CATSPER3: variants seen among roughly 807,000 people sequenced by gnomAD.
The protein encoded by CATSPER3 is cation channel sperm associated 3.
Under a neutral mutation model 36.6 loss-of-function variants are expected in CATSPER3, and 23 were observed. That is an observed-to-expected ratio of 0.63 (90% CI 0.45 to 0.89). CATSPER3 has a LOEUF of 0.89. Ranked by LOEUF, CATSPER3 falls within the 40% of genes least tolerant of loss-of-function variation. The probability of loss-of-function intolerance (pLI) is 0.00; values close to 1 mark genes in which losing one functional copy is unlikely to be tolerated. For synonymous variants in CATSPER3, 172 were observed against 184.1 expected (o/e 0.93, Z 0.53); for missense variants, 474 against 503.9 (o/e 0.94, Z 0.57).
At chr5:134,969,837 C>A in intron 1 of CATSPER3, 102 bp from the exon 2 acceptor site, 1 of 1,180,680 alleles carries the variant, frequency 8.5e-7, no homozygotes, top group Non-Finnish European at 1.3e-6. Flanking sequence ...TATATTCACA[C>A]AAGGGAGAAA....
chr5:134,994,892 G>A (rs1407316358), intron 2 of CATSPER3, among the ~76,000 whole-genome samples: 5 of 151,816 alleles, frequency 3.3e-5, no homozygotes, highest in Non-Finnish European at 5.9e-5. Context: ...GCTTCAGCGA[G>A]ACCTCTGTCG....
At chr5:134,969,523 T>G in intron 1 of CATSPER3, 1 of 259,180 alleles carries the variant, frequency 3.9e-6, no homozygotes, top group Non-Finnish European at 7.5e-6. Flanking sequence ...TGAGCATGTG[T>G]ATGGGTGATT....
intron 2 of CATSPER3, among the ~76,000 whole-genome samples, chr5:134,978,491 C>G (rs1398858456): frequency 6.6e-6 from 1 of 152,014 alleles, no homozygotes; most frequent in Non-Finnish European, 1.5e-5. Context: ...TATAAAAAAA[C>G]TGATTGCAAA....
At chr5:134,994,628 A>G (rs1054348626) in intron 2 of CATSPER3, among the ~76,000 whole-genome samples, 2 of 152,220 alleles carry the variant, frequency 1.3e-5, no homozygotes, top group Admixed American at 6.5e-5. Flanking sequence ...TAAAAATGTA[A>G]ATTAGTTCAG....
intron 2 of CATSPER3, among the ~76,000 whole-genome samples, chr5:134,994,990 C>T (rs1244032582): frequency 6.6e-6 from 1 of 150,398 alleles, no homozygotes; most frequent in Non-Finnish European, 1.5e-5. Context: ...TTCTTTCCTT[C>T]CTCCCTCCCT....
rs765708405 is a variant in CATSPER3, at chr5:135,008,954, C to T, written c.789C>T (p.Phe263=). The change falls in exon 5 of 8, where the codon TTC becomes TTT. Residue 263 remains phenylalanine, a synonymous_variant. Coordinates refer to ENST00000282611, the MANE Select transcript of CATSPER3 (RefSeq NM_178019.3). ...LLASFIFLNM[F]VGVMIMHTED... is the part of the protein sequence containing the mutation. Reference sequence around the variant, plus strand: ...CCTCTTTCATCTTCCTCAACATGTTCGTGGGTGTGATGATCATGCACACAG... The same window carrying T: ...CCTCTTTCATCTTCCTCAACATGTTTGTGGGTGTGATGATCATGCACACAG... 31 of 1,613,962 alleles carry T rather than the reference C, an allele frequency of 1.9e-5. No individual in the cohort carries two copies. Among genetic ancestry groups the T allele is most frequent in the Non-Finnish European group, 2.5e-5 (29 of 1,179,958 alleles).
chr5:135,006,367 G>A (rs1249598238), intron 3 of CATSPER3, among the ~76,000 whole-genome samples: 1 of 152,224 alleles, frequency 6.6e-6, no homozygotes. Flanking sequence ...AGGCCTCTCC[G>A]CAACCCTTCT....
At chr5:135,008,318 C>T (rs1304841288) in intron 4 of CATSPER3, among the ~76,000 whole-genome samples, 179 bp downstream of exon 4, 1 of 152,170 alleles carries the variant, frequency 6.6e-6, no homozygotes, top group Non-Finnish European at 1.5e-5. Flanking sequence ...CACGGGGCTC[C>T]ATCGCTGTCT....
At chr5:134,994,508 G>T (rs951009563) in intron 2 of CATSPER3, among the ~76,000 whole-genome samples, 2 of 152,206 alleles carry the variant, frequency 1.3e-5, no homozygotes, top group African/African-American at 2.4e-5. Context: ...ATATAGTGAA[G>T]TTAAGATGTT....
intron 2 of CATSPER3, among the ~76,000 whole-genome samples, chr5:134,985,945 T>A (rs1751802777): frequency 6.6e-6 from 1 of 151,558 alleles, no homozygotes; most frequent in African/African-American, 2.4e-5. Flanking sequence ...ACAATTGAAA[T>A]TTTAAAAAAA....
At chr5:134,983,226 A>G (rs1240478978) in intron 2 of CATSPER3, among the ~76,000 whole-genome samples, 1 of 152,218 alleles carries the variant, frequency 6.6e-6, no homozygotes, top group African/African-American at 2.4e-5. Context: ...TTTAAATATA[A>G]ATGGATTAAA....
intron 3 of CATSPER3, 30 bp from the exon 4 acceptor site, chr5:135,007,927 C>T: frequency 1.2e-6 from 2 of 1,608,512 alleles, no homozygotes; most frequent in Non-Finnish European, 1.7e-6. Context: ...TGGTGGTACC[C>T]TCGCCTACCA....
intron 1 of CATSPER3, 32 bp from the exon 2 acceptor site, chr5:134,969,907 G>A (rs1449458582): frequency 1.2e-6 from 2 of 1,613,034 alleles, no homozygotes; most frequent in East Asian, 2.2e-5. Context: ...CTATTGTGCT[G>A]TAACCATACT....
chr5:134,985,544 G>A (rs1203706198), intron 2 of CATSPER3, among the ~76,000 whole-genome samples: 1 of 152,050 alleles, frequency 6.6e-6, no homozygotes, highest in Non-Finnish European at 1.5e-5. Context: ...CACCTAATAG[G>A]TAGTCTAAAG....
Position 134,970,007 on chromosome 5 carries a change from T to C in CATSPER3, c.167T>C (p.Met56Thr), listed in dbSNP as rs1751581611. The C allele has an allele frequency of 1.2e-6, 2 of 1,613,954 alleles. No individual in the cohort carries two copies. Among genetic ancestry groups the C allele is most frequent in the African/African-American group, 1.3e-5 (1 of 74,912 alleles). The change falls in exon 2 of 8, where the codon ATG (methionine) becomes ACG (threonine). Residue 56 changes from methionine to threonine, a missense_variant. Coordinates refer to ENST00000282611, the MANE Select transcript of CATSPER3 (RefSeq NM_178019.3). ...ATGAGCCGTTTCTTTAAGATAATTA[T>C]GATTAGCACTGTCACATCGAATGCG... ...VIMSRFFKII[M>T]ISTVTSNAFF...
At chr5:134,974,591 G>A (rs1294111804) in intron 2 of CATSPER3, among the ~76,000 whole-genome samples, 6 of 152,152 alleles carry the variant, frequency 3.9e-5, no homozygotes, top group Admixed American at 2.0e-4. Context: ...GGTTCTATAT[G>A]TGTGTTTATT....
chr5:134,980,521 C>A (rs1415044905), intron 2 of CATSPER3, among the ~76,000 whole-genome samples: 1 of 150,440 alleles, frequency 6.6e-6, no homozygotes. Context: ...ACCTCCAGCT[C>A]CCTGGTTCAA....
At chr5:134,969,376 A>G (rs1438153591) in intron 1 of CATSPER3, 1 of 160,630 alleles carries the variant, frequency 6.2e-6, no homozygotes, top group African/African-American at 2.4e-5. Flanking sequence ...AACAAAAACA[A>G]TGGTTTTACT....
chr5:134,981,589 C>CA (rs1229950261), intron 2 of CATSPER3, among the ~76,000 whole-genome samples: 1 of 152,076 alleles, frequency 6.6e-6, no homozygotes. Flanking sequence ...TAGTTCTTTG[C>CA]AAAAATAGTT....
Sources: gnomAD v4.1 joint callset for allele counts (sites outside exome capture counted in the v4.1 genomes callset) on GRCh38, gnomAD v4.1.1 for gene constraint, MANE v1.5 for transcripts, NCBI Gene and HGNC (gene_info 2026-07-23, HGNC 2026-07-21) for gene names.